TRAPPC3L: variants seen among roughly 807,000 people sequenced by gnomAD.
The protein encoded by TRAPPC3L is trafficking protein particle complex subunit 3L, also known as trafficking protein particle complex subunit 3-like protein.
In TRAPPC3L, 23 loss-of-function variants were observed where a neutral mutation model predicts 23.7. That is an observed-to-expected ratio of 0.97 (90% CI 0.70 to 1.37). TRAPPC3L has a LOEUF of 1.37. Ranked by LOEUF, TRAPPC3L falls within the 40% of genes most tolerant of loss-of-function variation. TRAPPC3L has a pLI of 0.00. For missense variants in TRAPPC3L, 212 were observed against 216.8 expected (o/e 0.98, Z 0.14); for synonymous variants, 81 against 77.9 (o/e 1.04, Z -0.21).
intron 3 of TRAPPC3L, among the ~76,000 whole-genome samples, chr6:116,531,578 T>C (rs1386479961): frequency 6.6e-6 from 1 of 152,096 alleles, no homozygotes; most frequent in Admixed American, 6.6e-5. Flanking sequence ...TCCCAGAATA[T>C]CTCTACAATA....
At chr6:116,500,345 A>G (rs1448402909) in intron 4 of TRAPPC3L, 136 bp downstream of exon 4, 2 of 806,968 alleles carry the variant, frequency 2.5e-6, no homozygotes, top group African/African-American at 1.7e-5. Flanking sequence ...AAGCTGCTAC[A>G]TTTTGGGGGT....
intron 1 of TRAPPC3L, 149 bp downstream of exon 1, chr6:116,545,324 C>T: frequency 1.8e-6 from 1 of 563,206 alleles, no homozygotes; most frequent in African/African-American, 1.9e-5. Context: ...ATAATTATTC[C>T]TAGATGTGTC....
intron 3 of TRAPPC3L, chr6:116,517,007 C>T (rs1006621629): frequency 6.5e-6 from 1 of 152,696 alleles, no homozygotes; most frequent in African/African-American, 2.4e-5. Context: ...CCAGCATGCT[C>T]AGGTTCTGGT....
chr6:116,501,043 C>T (rs1179379440), intron 3 of TRAPPC3L, among the ~76,000 whole-genome samples: 1 of 152,124 alleles, frequency 6.6e-6, no homozygotes, highest in Non-Finnish European at 1.5e-5. Context: ...GGCATCGCCT[C>T]ATGTGGGAAG....
In TRAPPC3L at chr6:116,540,395, T is replaced by C. The variant is rs1009673946; in HGVS notation, c.208A>G (p.Ser70Gly). Residue 70 changes from serine to glycine, a missense_variant, in exon 3 of 5, where the codon AGT becomes GGT. Ser to Gly is a moderately conservative substitution (Grantham distance 56). Coordinates refer to ENST00000368602, the MANE Select transcript of TRAPPC3L (RefSeq NM_001139444.3). Reference sequence around the variant, plus strand: ...ATTATGTCTATAATTTCTGAATAACTATGGCATCTTCCCACGCAGGATCGA... The same window carrying C: ...ATTATGTCTATAATTTCTGAATAACCATGGCATCTTCCCACGCAGGATCGA... Reference protein sequence around the residue: ...LARSCVGRCHSYSEIIDIIAQ... With the variant: ...LARSCVGRCHGYSEIIDIIAQ... 2 of 1,551,206 alleles carry C rather than the reference T, an allele frequency of 1.3e-6. No homozygotes were observed. Among genetic ancestry groups the C allele is most frequent in the South Asian group, 2.4e-5 (2 of 84,056 alleles).
chr6:116,503,529 T>C (rs1771954006), intron 3 of TRAPPC3L, among the ~76,000 whole-genome samples: 1 of 152,174 alleles, frequency 6.6e-6, no homozygotes, highest in South Asian at 2.1e-4. Context: ...GTAGACCTAA[T>C]AGACATCTAT....
chr6:116,541,907 C>T (rs537226305), intron 2 of TRAPPC3L, among the ~76,000 whole-genome samples: 1 of 152,232 alleles, frequency 6.6e-6, no homozygotes, highest in South Asian at 2.1e-4. Context: ...TCAGCAGAAG[C>T]TATTAAGGAA....
chr6:116,541,118 GCCTGAAGTACAATCTTGAAAA>G (rs1773423729), intron 2 of TRAPPC3L, among the ~76,000 whole-genome samples: 1 of 151,892 alleles, frequency 6.6e-6, no homozygotes, highest in Non-Finnish European at 1.5e-5. Flanking sequence ...CTCTAGTAGT[GCCTGAAGTACAATCTTGAAAA>G]CCTTCGATTG....
intron 3 of TRAPPC3L, among the ~76,000 whole-genome samples, chr6:116,514,475 A>C (rs1772183399): frequency 6.6e-6 from 1 of 152,256 alleles, no homozygotes; most frequent in Non-Finnish European, 1.5e-5. Context: ...GAAGAATAGC[A>C]GCATATAATA....
intron 3 of TRAPPC3L, chr6:116,522,134 T>G (rs1772357269): frequency 6.6e-6 from 1 of 152,234 alleles, no homozygotes; most frequent in Non-Finnish European, 1.5e-5. Context: ...CAGGCCCCAG[T>G]GTACACGACA....
intron 3 of TRAPPC3L, among the ~76,000 whole-genome samples, chr6:116,526,872 G>T (rs1772446336): frequency 6.6e-6 from 1 of 152,026 alleles, no homozygotes. Context: ...TGTTTTAAAG[G>T]ACTTAAGAAT....
At chr6:116,506,174 GA>G (rs1772003840) in intron 3 of TRAPPC3L, among the ~76,000 whole-genome samples, 1 of 151,026 alleles carries the variant, frequency 6.6e-6, no homozygotes, top group Non-Finnish European at 1.5e-5. Context: ...AATGTACAAG[GA>G]AAAAACAACC....
intron 4 of TRAPPC3L, among the ~76,000 whole-genome samples, chr6:116,497,590 T>C (rs1771850261): frequency 2.0e-5 from 3 of 152,176 alleles, no homozygotes; most frequent in Admixed American, 6.5e-5. Flanking sequence ...GAATTATAGA[T>C]ATAAAATTAA....
At chr6:116,537,848 A>G (rs1468777710) in intron 3 of TRAPPC3L, among the ~76,000 whole-genome samples, 2 of 152,114 alleles carry the variant, frequency 1.3e-5, no homozygotes, top group African/African-American at 2.4e-5. Context: ...TTGAGTAAAT[A>G]CCCAGTAAGA....
chr6:116,527,279 G>A (rs988812220), intron 3 of TRAPPC3L, among the ~76,000 whole-genome samples: 6 of 151,962 alleles, frequency 3.9e-5, no homozygotes, highest in Non-Finnish European at 4.4e-5. Flanking sequence ...GCACTTTGGG[G>A]GGCCGAGACG....
chr6:116,516,859 G>A (rs1772238963), intron 3 of TRAPPC3L: 1 of 151,788 alleles, frequency 6.6e-6, no homozygotes, highest in Admixed American at 6.6e-5. Flanking sequence ...ATGGTCCTTA[G>A]GCACAGTGCT....
At chr6:116,507,516 A>G (rs1772027340) in intron 3 of TRAPPC3L, among the ~76,000 whole-genome samples, 1 of 148,362 alleles carries the variant, frequency 6.7e-6, no homozygotes, top group Admixed American at 6.9e-5. Flanking sequence ...ACTGCCCAGA[A>G]CGTGAATCAT....
At chr6:116,505,995 A>C (rs148691709) in intron 3 of TRAPPC3L, among the ~76,000 whole-genome samples, 3,842 of 152,364 alleles carry the variant, frequency 0.025, 74 homozygotes, top group Middle Eastern at 0.095. Flanking sequence ...AAGCAACGGC[A>C]ACAAAAGCCA....
rs1438958481 is a variant in TRAPPC3L at position 116,496,743 on chromosome 6, A to C, written c.*211T>G. 2 of 567,400 alleles carry C rather than the reference A, an allele frequency of 3.5e-6. No individual in the cohort carries two copies. Among genetic ancestry groups the C allele is most frequent in the Non-Finnish European group, 5.6e-6 (2 of 355,220 alleles). The allele number at this position is 567,400 out of a possible 1,614,324, so 35.1% of individuals were successfully genotyped here. A position where few individuals can be genotyped will look rare whatever the true frequency, so the allele number is the denominator to read the frequency against. On this transcript the variant is annotated 3_prime_UTR_variant, in exon 5 of 5. Coordinates refer to ENST00000368602, the MANE Select transcript of TRAPPC3L (RefSeq NM_001139444.3). Reference sequence around the variant, plus strand: ...TCTTGTAAGGAGCTATTTGCATATGAAATTTTGTGGACATGAGATTGAAAA... The same window carrying C: ...TCTTGTAAGGAGCTATTTGCATATGCAATTTTGTGGACATGAGATTGAAAA...
Sources: gnomAD v4.1 joint callset for allele counts (sites outside exome capture counted in the v4.1 genomes callset) on GRCh38, gnomAD v4.1.1 for gene constraint, MANE v1.5 for transcripts, NCBI Gene and HGNC (gene_info 2026-07-23, HGNC 2026-07-21) for gene names.